ESR2: variants seen among roughly 807,000 people sequenced by gnomAD.
ESR2 encodes the protein estrogen receptor 2, also known as estrogen receptor beta.
Under a neutral mutation model 49.6 loss-of-function variants are expected in ESR2, and 36 were observed. The ratio of observed to expected loss-of-function variants is 0.73; its 90% CI spans 0.56 to 0.96. The LOEUF (loss-of-function observed/expected upper bound fraction) is 0.96, where lower values mean the gene tolerates loss of function less well. Ranked by LOEUF, ESR2 falls within the 40% of genes least tolerant of loss-of-function variation. The pLI is 0.00. For missense variants in ESR2, 714 were observed against 693.0 expected, an observed-to-expected ratio of 1.03 and a Z score of -0.34; for synonymous variants, 320 against 266.1, an observed-to-expected ratio of 1.20 and a Z score of -1.97.
At chr14:64,286,102 G>A (rs1415148487) in intron 1 of ESR2, among the ~76,000 whole-genome samples, 3 of 152,088 alleles carry the variant, frequency 2.0e-5, no homozygotes, top group Non-Finnish European at 4.4e-5. Context: ...AATGTACCAG[G>A]AAGAGGCAGG....
At chr14:64,257,775 G>C (rs1419888730) in intron 5 of ESR2, among the ~76,000 whole-genome samples, 1 of 152,060 alleles carries the variant, frequency 6.6e-6, no homozygotes, top group Middle Eastern at 3.2e-3. Context: ...GATGGGGTAG[G>C]TGGAGGTTGG....
chr14:64,281,078 G>A (rs1389727003), intron 2 of ESR2, among the ~76,000 whole-genome samples: 6 of 152,082 alleles, frequency 3.9e-5, no homozygotes, highest in Non-Finnish European at 7.4e-5. Context: ...AGATGAATGT[G>A]AGACAAGAAA....
At chr14:64,317,580 A>G (rs2077272166) in intron 1 of ESR2, among the ~76,000 whole-genome samples, 1 of 152,200 alleles carries the variant, frequency 6.6e-6, no homozygotes, top group Non-Finnish European at 1.5e-5. Flanking sequence ...ATCTGCCCCC[A>G]TAACCCAAAC....
At chr14:64,263,538 T>C (rs538191058) in intron 4 of ESR2, among the ~76,000 whole-genome samples, 1 of 152,028 alleles carries the variant, frequency 6.6e-6, no homozygotes, top group Non-Finnish European at 1.5e-5. Context: ...ATTCCTGTAG[T>C]CCCAGCTACT....
chr14:64,325,182 C>T (rs2077373483), intron 1 of ESR2, among the ~76,000 whole-genome samples: 1 of 152,302 alleles, frequency 6.6e-6, no homozygotes, highest in East Asian at 1.9e-4. Context: ...TAACCACATG[C>T]AAAATCCTCA....
At chr14:64,287,894 G>A (rs1032976569) in intron 1 of ESR2, among the ~76,000 whole-genome samples, 2 of 152,130 alleles carry the variant, frequency 1.3e-5, no homozygotes. Context: ...ACAATGTTCT[G>A]GTACAACAGG....
chr14:64,261,784 C>G (rs1326936149), intron 4 of ESR2, among the ~76,000 whole-genome samples: 3 of 152,174 alleles, frequency 2.0e-5, no homozygotes. Flanking sequence ...CAGAGTCCTG[C>G]TCTGTTGCCC....
At chr14:64,258,167 C>T (rs2076142265) in intron 5 of ESR2, among the ~76,000 whole-genome samples, 1 of 152,014 alleles carries the variant, frequency 6.6e-6, no homozygotes, top group Admixed American at 6.6e-5. Context: ...TGAGATCACG[C>T]CACTGCACTC....
upstream of ESR2, chr14:64,297,418 C>T (rs1194144248): frequency 6.6e-6 from 1 of 152,160 alleles, no homozygotes. Flanking sequence ...CTCACCCCAC[C>T]CCTTCTCTGT....
intron 7 of ESR2, among the ~76,000 whole-genome samples, chr14:64,240,056 G>A (rs978558466): frequency 1.3e-5 from 2 of 152,200 alleles, no homozygotes; most frequent in African/African-American, 4.8e-5. Context: ...GGATGACACA[G>A]TTAATTTCCA....
Position 64,242,401 on chromosome 14 carries a change from G to A in ESR2, c.1225+7145C>T, listed in dbSNP as rs1653359176. ...TCCAGCCTGGGCGGAGAGTGAGACT[G>A]TCTCAAAAAAAAAAAACAAAAAAAA... On this transcript the variant is annotated intron_variant, in intron 7 of 8. Transcript: ENST00000341099. Among the ~76,000 whole-genome samples, 3 of 99,760 alleles carry A rather than the reference G, an allele frequency of 3.0e-5. No homozygotes were observed. The South Asian group carries it at 9.0e-4, about 30-fold the overall frequency. The allele number at this position is 99,760 out of a possible 152,430, so 65.4% of individuals were successfully genotyped here. A position where few individuals can be genotyped will look rare whatever the true frequency, so the allele number is the denominator to read the frequency against.
At chr14:64,247,996 C>A (rs2075900739) in intron 7 of ESR2, among the ~76,000 whole-genome samples, 1 of 152,144 alleles carries the variant, frequency 6.6e-6, no homozygotes, top group South Asian at 2.1e-4. Flanking sequence ...GAGTTTGAGA[C>A]CAGCTTGGCC....
At chr14:64,313,747 C>T (rs1300723041) in intron 1 of ESR2, among the ~76,000 whole-genome samples, 2 of 150,450 alleles carry the variant, frequency 1.3e-5, no homozygotes, top group Non-Finnish European at 3.0e-5. Context: ...GGCGTGGTGG[C>T]GGGTGCCTGT....
At chr14:64,284,617 C>T (rs753187044) in intron 1 of ESR2, among the ~76,000 whole-genome samples, 3 of 152,038 alleles carry the variant, frequency 2.0e-5, no homozygotes, top group Non-Finnish European at 2.9e-5. Flanking sequence ...CTACCATGCC[C>T]GGCCACAGTA....
chr14:64,242,730 A>G (rs928438626), intron 7 of ESR2, among the ~76,000 whole-genome samples: 1 of 152,188 alleles, frequency 6.6e-6, no homozygotes, highest in Non-Finnish European at 1.5e-5. Context: ...GCCTCACAGA[A>G]TGAATTGGAA....
Position 64,332,940 on chromosome 14 carries a change from G to A in ESR2, c.-91+4958C>T, listed in dbSNP as rs565712058. ...AGGCTGGAGGGTAGGGCAGTGGCGCGATCTCAGCTCACTGCAAGCTCTGCC... is the reference window on the plus strand; with the variant it reads ...AGGCTGGAGGGTAGGGCAGTGGCGCAATCTCAGCTCACTGCAAGCTCTGCC... On this transcript the variant is annotated intron_variant, in intron 1 of 8. Coordinates refer to the ESR2 transcript ENST00000358599. 1.6e-4 allele frequency among the ~76,000 whole-genome samples: 23 copies of A among 145,776 alleles called. 1 individual carries two copies. The highest frequency in any genetic ancestry group is 6.4e-4 in the East Asian group (3 of 4,684).
Position 64,279,967 on chromosome 14 carries a change from C to A in ESR2, c.535+14G>T. Reference sequence around the variant, plus strand: ...AGTAGGAAACTAAAGAAGCAGTTAACAATTCTCTTGTACCTTGAATGCTTC... The same window carrying A: ...AGTAGGAAACTAAAGAAGCAGTTAAAAATTCTCTTGTACCTTGAATGCTTC... On this transcript the variant is annotated intron_variant, in intron 3 of 8. Coordinates refer to ENST00000341099, the MANE Select transcript of ESR2 (RefSeq NM_001437.3). 2 of 1,601,866 alleles carry A rather than the reference C, an allele frequency of 1.2e-6. No individual in the cohort carries two copies. The highest frequency in any genetic ancestry group is 1.7e-6 in the Non-Finnish European group (2 of 1,170,682).
chr14:64,281,636 T>C (rs1342454182), intron 2 of ESR2, among the ~76,000 whole-genome samples: 1 of 152,186 alleles, frequency 6.6e-6, no homozygotes, highest in East Asian at 1.9e-4. Flanking sequence ...TAGATTTTTA[T>C]CTCCCCCTCT....
At chr14:64,321,593 A>G (rs764515322) in intron 1 of ESR2, among the ~76,000 whole-genome samples, 45 of 152,354 alleles carry the variant, frequency 3.0e-4, no homozygotes, top group Non-Finnish European at 4.9e-4. Context: ...TATGTCCCCA[A>G]TGACAAGACA....
Sources: allele counts gnomAD v4.1 joint callset (sites outside exome capture counted in the v4.1 genomes callset), GRCh38; gene constraint gnomAD v4.1.1; transcripts MANE v1.5; gene names NCBI Gene and HGNC (gene_info 2026-07-23, HGNC 2026-07-21).